Variants in MRTFB observed in about 807,000 individuals in gnomAD.
MRTFB encodes myocardin related transcription factor B.
In MRTFB, 29 loss-of-function variants were observed where a neutral mutation model predicts 104.2. That is an observed-to-expected ratio of 0.28 (90% CI 0.21 to 0.38). The LOEUF is 0.38. Ranked by LOEUF, MRTFB falls within the 10% of genes least tolerant of loss-of-function variation. The probability of loss-of-function intolerance (pLI) is 1.00; values close to 1 mark genes in which losing one functional copy is unlikely to be tolerated. For synonymous variants in MRTFB, 535 were observed against 519.5 expected (o/e 1.03, Z -0.41); for missense variants, 1,270 against 1,341.6 (o/e 0.95, Z 0.83).
rs373167499 is a variant in MRTFB at position 14,228,575 on chromosome 16, C to CA, written c.694-5558dup. 5.0e-3 allele frequency among the ~76,000 whole-genome samples: 677 copies of CA among 134,980 alleles called. 5 individuals are homozygous for CA. In the Middle Eastern group the frequency reaches 0.088, roughly 17 times the overall value. The allele number at this position is 134,980 out of a possible 152,430, so 88.6% of individuals were successfully genotyped here. On this transcript the variant is annotated intron_variant, in intron 8 of 16. Transcript: ENST00000571589. ...TGGGCAACAGAGCTAGACTCCGTCC[C>CA]AAAAAAAAAAAAATAGAAAACAGAA...
chr16:14,044,490 G>A, the MRTFB span, among the ~76,000 whole-genome samples: 1 of 152,224 alleles, frequency 6.6e-6, no homozygotes, highest in East Asian at 1.9e-4. Context: ...GAGAAGGTAG[G>A]TGGTTTTCAC....
intron 3 of MRTFB, among the ~76,000 whole-genome samples, chr16:14,181,496 T>A (rs2039770297): frequency 6.6e-6 from 1 of 152,196 alleles, no homozygotes; most frequent in Non-Finnish European, 1.5e-5. Context: ...GAATAGCTAC[T>A]GAGGATCTAT....
chr16:14,255,273 T>C lies in MRTFB; in HGVS notation c.2703+2771T>C, dbSNP rs149050275. Among the ~76,000 whole-genome samples the C allele has an allele frequency of 3.7e-3, 571 of 152,338 alleles. 3 individuals are homozygous for C. Among genetic ancestry groups the C allele is most frequent in the African/African-American group, 0.013 (537 of 41,580 alleles). ...ATGGCTGACATGTTCACAAATAGGA[T>C]GAAAGACAAATTTATAGCTTTGAGA... On this transcript the variant is annotated intron_variant, in intron 15 of 16. Transcript: ENST00000571589.
intron 11 of MRTFB, among the ~76,000 whole-genome samples, chr16:14,245,895 G>A (rs2042992030): frequency 6.6e-6 from 1 of 152,138 alleles, no homozygotes; most frequent in African/African-American, 2.4e-5. Flanking sequence ...CAGTTCTGCT[G>A]GATTCCAGAG....
rs142995480 is a variant in MRTFB at position 14,135,673 on chromosome 16, A to C, written c.-63-4871A>C. The stretch of plus-strand genomic sequence containing the variant: ...TGTCTTCATTCCTCAGCATTTCAGC[A>C]TGAGACTTTATCAGTAACTGGTCTC... On this transcript the variant is annotated intron_variant, in intron 2 of 16. Transcript: ENST00000571589. Among the ~76,000 whole-genome samples, 266 of 152,342 alleles carry C rather than the reference A, an allele frequency of 1.7e-3. 1 individual carries two copies. The highest frequency in any genetic ancestry group is 5.9e-3 in the African/African-American group (245 of 41,586).
chr16:14,033,408 G>A, the MRTFB span, among the ~76,000 whole-genome samples: 1 of 151,934 alleles, frequency 6.6e-6, no homozygotes, highest in African/African-American at 2.4e-5. Context: ...TTAGTCAGGT[G>A]TGGTGGCACA....
At chr16:14,042,039 A>G in the MRTFB span, among the ~76,000 whole-genome samples, 1 of 152,228 alleles carries the variant, frequency 6.6e-6, no homozygotes, top group East Asian at 1.9e-4. Context: ...ACTGTTTTCC[A>G]TGATGCTGAC....
the MRTFB span, among the ~76,000 whole-genome samples, chr16:14,017,814 G>A: frequency 6.9e-6 from 1 of 144,562 alleles, no homozygotes; most frequent in Admixed American, 7.0e-5. Context: ...AAACTCCTGG[G>A]TTCAAGTGAT....
At chr16:14,172,124 C>A (rs915860464) in intron 3 of MRTFB, among the ~76,000 whole-genome samples, 2 of 152,052 alleles carry the variant, frequency 1.3e-5, no homozygotes, top group Non-Finnish European at 2.9e-5. Flanking sequence ...CCTCACCTTT[C>A]TCTCCTATCC....
At chr16:14,128,600 T>G (rs1383377652) in intron 2 of MRTFB, among the ~76,000 whole-genome samples, 1 of 152,212 alleles carries the variant, frequency 6.6e-6, no homozygotes, top group Non-Finnish European at 1.5e-5. Flanking sequence ...AACCCCCTGC[T>G]TTCATTAGCA....
intron 3 of MRTFB, among the ~76,000 whole-genome samples, chr16:14,178,833 T>C (rs2039674136): frequency 6.6e-6 from 1 of 152,078 alleles, no homozygotes; most frequent in Admixed American, 6.6e-5. Context: ...CACTGCAGCC[T>C]CGTCCTCCTG....
rs1234761380 is a variant in MRTFB at position 14,218,899 on chromosome 16, C to T, written c.594C>T (p.Asp198=). The T allele has an allele frequency of 1.9e-6, 3 of 1,613,986 alleles. No individual in the cohort carries two copies. The highest frequency in any genetic ancestry group is 1.3e-5 in the African/African-American group (1 of 74,928). Residue 198 remains aspartate (D), a synonymous_variant, in exon 8 of 17, where the codon GAC becomes GAT. Transcript: ENST00000571589. The part of the protein sequence containing the change: ...DEDSSDALSP[D]QPASQESQGS... ...ACAGCAGTGACGCTTTGTCTCCGGA[C>T]CAGCCTGCGAGTCAGGAGTCACAGG...
chr16:14,161,111 T>TG (rs1491204599), intron 3 of MRTFB, among the ~76,000 whole-genome samples: 2 of 142,706 alleles, frequency 1.4e-5, no homozygotes, highest in African/African-American at 5.4e-5. Context: ...TTTTTTTTTT[T>TG]GTAATCGTGA....
intron 3 of MRTFB, among the ~76,000 whole-genome samples, chr16:14,157,246 A>G: frequency 6.6e-6 from 1 of 152,350 alleles, no homozygotes; most frequent in Non-Finnish European, 1.5e-5. Context: ...AATCTTCACA[A>G]CATGTCATAG....
intron 10 of MRTFB, chr16:14,241,580 C>G (rs2042768767): frequency 6.6e-6 from 1 of 152,154 alleles, no homozygotes; most frequent in Non-Finnish European, 1.5e-5. Context: ...TAGCCATGAT[C>G]AGGTTATTCA....
chr16:14,229,126 T>A (rs1359312111), intron 8 of MRTFB, among the ~76,000 whole-genome samples: 1 of 152,200 alleles, frequency 6.6e-6, no homozygotes, highest in African/African-American at 2.4e-5. Flanking sequence ...TACGTGCAGA[T>A]CCTCACTACC....
chr16:14,254,902 C>T (rs752757476), intron 15 of MRTFB, among the ~76,000 whole-genome samples: 1 of 152,210 alleles, frequency 6.6e-6, no homozygotes, highest in Non-Finnish European at 1.5e-5. Context: ...ACTACTATTA[C>T]AGCTGTCCTC....
intron 2 of MRTFB, among the ~76,000 whole-genome samples, chr16:14,133,484 A>C (rs1236672034): frequency 6.6e-6 from 1 of 152,190 alleles, no homozygotes; most frequent in Non-Finnish European, 1.5e-5. Context: ...TTTTTCATGT[A>C]TTTTAAACGT....
At chr16:14,046,247 G>C in the MRTFB span, among the ~76,000 whole-genome samples, 2 of 152,114 alleles carry the variant, frequency 1.3e-5, no homozygotes, top group African/African-American at 4.8e-5. Flanking sequence ...GAACGCTTGA[G>C]CCCAGGAAGT....
Sources: allele counts gnomAD v4.1 joint callset (sites outside exome capture counted in the v4.1 genomes callset), GRCh38; gene constraint gnomAD v4.1.1; transcripts MANE v1.5; gene names NCBI Gene and HGNC (gene_info 2026-07-23, HGNC 2026-07-21).